The following CCDC88A variants were observed in gnomAD, a reference collection of about 807,000 sequenced individuals.
CCDC88A encodes the protein coiled-coil and HOOK domain protein 88A, also known as girdin.
In CCDC88A, 54 loss-of-function variants were observed where a neutral mutation model predicts 234.3. The observed-to-expected ratio is 0.23, with a 90% CI of 0.19 to 0.29. The LOEUF is 0.29. Among genes scored for constraint, CCDC88A ranks in the 10% least tolerant of loss-of-function variants. CCDC88A has a pLI of 1.00. For synonymous variants in CCDC88A, 753 were observed against 737.8 expected (o/e 1.02, Z -0.33); for missense variants, 1,832 against 2,123.4 (o/e 0.86, Z 2.70).
chr2:55,380,592 T>C (rs555254072), intron 3 of CCDC88A, among the ~76,000 whole-genome samples: 112 of 152,294 alleles, frequency 7.4e-4, no homozygotes, highest in Middle Eastern at 3.4e-3. Flanking sequence ...CATTTAAAAA[T>C]AGTATATTAA....
intron 17 of CCDC88A, among the ~76,000 whole-genome samples, chr2:55,325,578 TGA>T (rs900215747): frequency 1.1e-4 from 17 of 152,200 alleles, no homozygotes; most frequent in Admixed American, 1.1e-3. Flanking sequence ...ATAGAAACAG[TGA>T]GAGCAAAATC....
chr2:55,391,862 A>G (rs1280001144), intron 2 of CCDC88A, among the ~76,000 whole-genome samples: 2 of 152,188 alleles, frequency 1.3e-5, no homozygotes, highest in African/African-American at 2.4e-5. Context: ...TAATGAATGG[A>G]TGTTCTTTAT....
At chr2:55,299,581 TTG>T (rs1680633366) in intron 29 of CCDC88A, among the ~76,000 whole-genome samples, 2 of 152,196 alleles carry the variant, frequency 1.3e-5, no homozygotes, top group South Asian at 4.1e-4. Flanking sequence ...ATAGATAATT[TTG>T]AAGTATAAAT....
chr2:55,370,885 G>A (rs1019734442), intron 5 of CCDC88A, among the ~76,000 whole-genome samples: 1 of 151,190 alleles, frequency 6.6e-6, no homozygotes, highest in African/African-American at 2.4e-5. Flanking sequence ...GGTGGCACAT[G>A]CCCGTAGTTC....
chr2:55,328,491 A>G lies in CCDC88A; in HGVS notation c.2856-56T>C. 1 of 1,266,844 alleles carries G rather than the reference A, an allele frequency of 7.9e-7. No individual in the cohort carries two copies. The highest frequency in any genetic ancestry group is 1.6e-5 in the African/African-American group (1 of 63,880). The allele number at this position is 1,266,844 out of a possible 1,614,324, so 78.5% of individuals were successfully genotyped here. On this transcript the variant is annotated intron_variant, in intron 16 of 32. Transcript: ENST00000436346. The surrounding 1 kb of genome is among the most constrained non-coding windows in gnomAD (Gnocchi z 4.3). ...ATTGGAGGTCAGAAAATTATTTTTA[A>G]AGATAATTTATGACCACAAATATTC...
intron 18 of CCDC88A, among the ~76,000 whole-genome samples, chr2:55,319,797 C>T (rs975573683): frequency 1.3e-5 from 2 of 152,006 alleles, no homozygotes; most frequent in Admixed American, 1.3e-4. Context: ...AATTAAACTT[C>T]ATAAAAAATC....
intron 3 of CCDC88A, among the ~76,000 whole-genome samples, chr2:55,375,925 T>C (rs1005920873): frequency 4.6e-5 from 7 of 152,198 alleles, no homozygotes; most frequent in African/African-American, 1.7e-4. Context: ...TGCTGTCTAA[T>C]GATCATTTCA....
chr2:55,307,700 G>T (rs1454585828), intron 25 of CCDC88A, among the ~76,000 whole-genome samples: 1 of 148,982 alleles, frequency 6.7e-6, no homozygotes, highest in Non-Finnish European at 1.5e-5. Flanking sequence ...TGTTGCCCAG[G>T]CTGGTCTTGA....
chr2:55,354,708 C>T lies in CCDC88A; in HGVS notation c.800+871G>A, dbSNP rs137965777. Among the ~76,000 whole-genome samples the T allele has an allele frequency of 1.6e-4, 24 of 151,120 alleles. No homozygotes were observed. In the South Asian group the frequency reaches 4.2e-3, roughly 27 times the overall value. On this transcript the variant is annotated intron_variant, in intron 8 of 32. Transcript: ENST00000436346. ...CCTCCCGAGTAGCTGGGATTACAGG[C>T]GCACCCCACCATGCCCGGATAATTT...
At chr2:55,369,542 C>T (rs1218645139) in intron 5 of CCDC88A, among the ~76,000 whole-genome samples, 4 of 151,502 alleles carry the variant, frequency 2.6e-5, no homozygotes, top group East Asian at 3.9e-4. Context: ...ACCTCCATCT[C>T]CCAGGTTCAA....
chr2:55,403,454 A>G (rs1323362203), intron 2 of CCDC88A: 2 of 152,232 alleles, frequency 1.3e-5, no homozygotes, highest in Non-Finnish European at 2.9e-5. Flanking sequence ...GGGTTTATTT[A>G]TTATACCTTA....
At chr2:55,398,196 C>T (rs1389697756) in intron 2 of CCDC88A, among the ~76,000 whole-genome samples, 2 of 152,108 alleles carry the variant, frequency 1.3e-5, no homozygotes, top group Non-Finnish European at 2.9e-5. Context: ...GATTTCTATG[C>T]TCTGATTTGA....
chr2:55,335,486 C>A lies in CCDC88A; in HGVS notation c.1657-322G>T, dbSNP rs1377656633. Among the ~76,000 whole-genome samples the A allele has an allele frequency of 6.6e-6, 1 of 152,100 alleles. No homozygotes were observed. The highest frequency in any genetic ancestry group is 2.4e-5 in the African/African-American group (1 of 41,440). On this transcript the variant is annotated intron_variant, in intron 14 of 32. Transcript: ENST00000436346. This position sits in a 1 kb window ranked among gnomAD's most constrained non-coding sequence, Gnocchi z 4.5. ...TATTTACAGTTACATGCTTCAAATT[C>A]AAATAGGAATACAGGTAACACACAC...
intron 16 of CCDC88A, among the ~76,000 whole-genome samples, chr2:55,330,858 C>T (rs1293883791): frequency 6.6e-6 from 1 of 152,168 alleles, no homozygotes; most frequent in African/African-American, 2.4e-5. Context: ...AAAAATTGCT[C>T]AGCATACTTT....
At chr2:55,326,689 G>T (rs892167834) in intron 17 of CCDC88A, among the ~76,000 whole-genome samples, 2 of 151,946 alleles carry the variant, frequency 1.3e-5, no homozygotes, top group African/African-American at 4.8e-5. Context: ...CAGCCTCCTG[G>T]GTAGCTGGCT....
chr2:55,384,324 C>CAAAA (rs112541690), intron 3 of CCDC88A, among the ~76,000 whole-genome samples: 1 of 133,286 alleles, frequency 7.5e-6, no homozygotes. Flanking sequence ...AACTCCATCT[C>CAAAA]AAAAAAAAAA....
Position 55,288,772 on chromosome 2 carries a change from C to G in CCDC88A, c.*2428G>C, listed in dbSNP as rs1679237242. 1 of 152,120 alleles carries G rather than the reference C, an allele frequency of 6.6e-6. No individual in the cohort carries two copies. The highest frequency in any genetic ancestry group is 1.5e-5 in the Non-Finnish European group (1 of 68,004). The allele number at this position is 152,120 out of a possible 1,614,324, so 9.4% of individuals were successfully genotyped here. ...GTTAGGTGTTGATTTAGAATACAGC[C>G]AGATAATTTAAAGCATGTCAGGCCC... On this transcript the variant is annotated 3_prime_UTR_variant, in exon 33 of 33. Transcript: ENST00000436346.
intron 29 of CCDC88A, chr2:55,297,273 ATATT>A (rs1431731534): frequency 1.3e-4 from 4 of 30,048 alleles, no homozygotes; most frequent in Non-Finnish European, 4.3e-4. Context: ...ATTTTTATAT[ATATT>A]ATATATAATA....
At position 55,328,190 on chromosome 2, in the gene CCDC88A, ATATC is replaced by A; in HGVS notation, c.2997+100_2997+103del. On this transcript the variant is annotated intron_variant, in intron 17 of 32. Coordinates refer to ENST00000436346, the MANE Select transcript of CCDC88A (RefSeq NM_001365480.1). This position sits in a 1 kb window ranked among gnomAD's most constrained non-coding sequence, Gnocchi z 4.3. ...TATGAAAAAGGAAGAAATAGACTAA[ATATC>A]AATAAAATGTTTATATTTTTATTTT... 2 of 884,544 alleles carry A rather than the reference ATATC, an allele frequency of 2.3e-6. No individual in the cohort carries two copies. Among genetic ancestry groups the A allele is most frequent in the Non-Finnish European group, 3.4e-6 (2 of 582,974 alleles). The allele number at this position is 884,544 out of a possible 1,614,324, so 54.8% of individuals were successfully genotyped here. A position where few individuals can be genotyped will look rare whatever the true frequency, so the allele number is the denominator to read the frequency against.
Sources: allele counts gnomAD v4.1 joint callset (sites outside exome capture counted in the v4.1 genomes callset), GRCh38; gene constraint gnomAD v4.1.1; non-coding constraint Gnocchi (gnomAD v3.1); transcripts MANE v1.5; gene names NCBI Gene and HGNC (gene_info 2026-07-23, HGNC 2026-07-21).